The following KIF1C variants were observed in gnomAD, a reference collection of about 807,000 sequenced individuals.
KIF1C encodes the protein kinesin-like protein KIF1C.
KIF1C carries 61 observed loss-of-function variants against 126.5 expected under a neutral mutation model. The ratio of observed to expected loss-of-function variants is 0.48; its 90% confidence interval spans 0.39 to 0.60. The LOEUF (loss-of-function observed/expected upper bound fraction) is 0.60. KIF1C is among the 20% of genes least tolerant of loss of function. The probability of loss-of-function intolerance (pLI) is 0.00; values close to 1 mark genes in which losing one functional copy is unlikely to be tolerated. For missense variants in KIF1C, 1,315 were observed against 1,489.2 expected (o/e 0.88, Z 1.93); for synonymous variants, 640 against 580.6 (o/e 1.10, Z -1.47).
chr17:5,015,972 G>A (rs1479962969), intron 18 of KIF1C, among the ~76,000 whole-genome samples: 2 of 151,934 alleles, frequency 1.3e-5, no homozygotes, highest in Non-Finnish European at 2.9e-5. Context: ...GTTCACATAA[G>A]CTCAAGCAAA....
Position 5,022,638 on chromosome 17 carries a change from AG to A in KIF1C, c.2558del (p.Ser853ThrfsTer235). ...GCAGGAGGTGAAGCTGCAGAACAGC[AG>A]CAAGGACCGGGAGCTGCAGGCCCTG... ...ILQEVKLQNSSKDRELQALRD... is the reference protein window; with the variant it reads ...ILQEVKLQNSXKDRELQALRD... On this transcript the variant is annotated frameshift_variant, in exon 22 of 23. Coordinates refer to ENST00000320785, the MANE Select transcript of KIF1C (RefSeq NM_006612.6). LOFTEE classifies it high-confidence loss of function. The surrounding 1 kb of genome is among the most constrained non-coding windows in gnomAD (Gnocchi z 4.9). 1.2e-6 allele frequency: 2 copies of A among 1,605,078 alleles called. No homozygotes were observed. Among genetic ancestry groups the A allele is most frequent in the Non-Finnish European group, 1.7e-6 (2 of 1,175,062 alleles).
rs201491325 is a variant in KIF1C at position 5,003,578 on chromosome 17, C to T, written c.721-34C>T. 210 of 1,526,188 alleles carry T rather than the reference C, an allele frequency of 1.4e-4. No homozygotes were observed. In the East Asian group the frequency reaches 4.1e-3, roughly 30 times the overall value. The allele number at this position is 1,526,188 out of a possible 1,614,324, so 94.5% of individuals were successfully genotyped here. On this transcript the variant is annotated intron_variant, in intron 8 of 22. Coordinates refer to ENST00000320785, the MANE Select transcript of KIF1C (RefSeq NM_006612.6). ...ATTTCCCTGCCCCGTCCCCCACCCG[C>T]ACCTTATCTCCTGCCTGTTTCCTCT... is the stretch of plus-strand genomic sequence containing the variant.
At chr17:5,004,464 C>G (rs1219299375) in intron 11 of KIF1C, 103 bp from the exon 12 acceptor site, 1 of 1,043,998 alleles carries the variant, frequency 9.6e-7, no homozygotes, top group Non-Finnish European at 1.5e-6. Flanking sequence ...GACCATGACC[C>G]TGTAAGACCT....
Position 5,024,121 on chromosome 17 carries a change from T to C in KIF1C, c.3282T>C (p.Pro1094=). The change falls in exon 23 of 23, where the codon CCT becomes CCC. Residue 1094 remains proline, a synonymous_variant. Coordinates refer to ENST00000320785, the MANE Select transcript of KIF1C (RefSeq NM_006612.6). ...PPRMRRQRSA[P]DLKESGAAV ...GAATGAGACGGCAGCGTTCTGCCCC[T>C]GACCTCAAGGAGAGTGGGGCAGCTG... 2 of 1,609,980 alleles carry C rather than the reference T, an allele frequency of 1.2e-6. No homozygotes were observed. Among genetic ancestry groups the C allele is most frequent in the Non-Finnish European group, 1.7e-6 (2 of 1,178,314 alleles).
chr17:5,017,571 T>C (rs1975000891), intron 18 of KIF1C, among the ~76,000 whole-genome samples: 1 of 152,274 alleles, frequency 6.6e-6, no homozygotes, highest in South Asian at 2.1e-4. Context: ...CCCAAAGTGC[T>C]GGGATTATAG....
chr17:5,001,671 T>G (rs1207531442), intron 5 of KIF1C, among the ~76,000 whole-genome samples: 1 of 152,214 alleles, frequency 6.6e-6, no homozygotes, highest in Admixed American at 6.5e-5. Context: ...TTACTACTGT[T>G]TTACTTGGTT....
rs778176215 is a variant in KIF1C, at chr17:5,000,811, G to A, written c.146G>A (p.Ser49Asn). The A allele has an allele frequency of 1.1e-5, 18 of 1,614,084 alleles. No homozygotes were observed. The highest frequency in any genetic ancestry group is 1.5e-5 in the Non-Finnish European group (18 of 1,179,986). The change falls in exon 4 of 23, where the codon AGC (serine) becomes AAC (asparagine). Residue 49 changes from serine (S) to asparagine (N), a missense_variant. Physicochemically the swap from Ser to Asn is conservative, Grantham distance 46. Coordinates refer to ENST00000320785, the MANE Select transcript of KIF1C (RefSeq NM_006612.6). ...AAACAGAGCAAGGATGCCCCCAAAA[G>A]CTTCACCTTTGACTACTCCTACTGG... is the stretch of plus-strand genomic sequence containing the variant. ...NPKQSKDAPK[S>N]FTFDYSYWSH...
chr17:5,024,036 A>AACCCT lies in KIF1C; in HGVS notation c.3202_3206dup (p.Ala1070ThrfsTer20). On this transcript the variant is annotated frameshift_variant, in exon 23 of 23. Coordinates refer to ENST00000320785, the MANE Select transcript of KIF1C (RefSeq NM_006612.6). LOFTEE classifies it high-confidence loss of function. Reference sequence around the variant, plus strand: ...CACAACTCTTATCCCCAGCCACCCCAACCCTACCCAGCCCAGCGGCCCCCA... The same window carrying AACCCT: ...CACAACTCTTATCCCCAGCCACCCCAACCCTACCCTACCCAGCCCAGCGGCCCCCA... 2 of 1,587,334 alleles carry AACCCT rather than the reference A, an allele frequency of 1.3e-6. No individual in the cohort carries two copies. Among genetic ancestry groups the AACCCT allele is most frequent in the Non-Finnish European group, 1.7e-6 (2 of 1,166,426 alleles).
At position 5,023,463 on chromosome 17, in the gene KIF1C, C is replaced by T. The variant is rs1169194744; in HGVS notation, c.2629-5C>T. The T allele has an allele frequency of 6.2e-7, 1 of 1,613,092 alleles. No homozygotes were observed. Among genetic ancestry groups the T allele is most frequent in the Admixed American group, 1.7e-5 (1 of 59,972 alleles). ...CCTTCTCCTTTTCTCACTCCTCCCT[C>T]CCAGGATCATGAGGATGAGAATGAA... is the stretch of plus-strand genomic sequence containing the variant. On this transcript the variant is annotated splice_region_variant and splice_polypyrimidine_tract_variant and intron_variant, in intron 22 of 22. Coordinates refer to ENST00000320785, the MANE Select transcript of KIF1C (RefSeq NM_006612.6). The surrounding 1 kb of genome is among the most constrained non-coding windows in gnomAD (Gnocchi z 4.2).
chr17:5,019,016 C>T (rs995423206), intron 18 of KIF1C, among the ~76,000 whole-genome samples: 6 of 152,048 alleles, frequency 3.9e-5, no homozygotes, highest in Admixed American at 2.6e-4. Context: ...GCTGTTTCCC[C>T]GACCCACCGT....
At chr17:4,998,518 C>T (rs1176665605) in intron 1 of KIF1C, among the ~76,000 whole-genome samples, 5 of 152,328 alleles carry the variant, frequency 3.3e-5, no homozygotes, top group Admixed American at 2.0e-4. Context: ...CTGTCCCTAC[C>T]TCTATTCCCT....
chr17:5,002,852 C>A lies in KIF1C; in HGVS notation c.720+10C>A. Reference sequence around the variant, plus strand: ...GCTGGACTCGGAGAAGGTGGGATCGCCCCCCCCCCCACTCCCCCACCGGAT... The same window carrying A: ...GCTGGACTCGGAGAAGGTGGGATCGACCCCCCCCCCACTCCCCCACCGGAT... On this transcript the variant is annotated intron_variant, in intron 8 of 22. Transcript: ENST00000320785. 1 of 236,074 alleles carries A rather than the reference C, an allele frequency of 4.2e-6. No individual in the cohort carries two copies. The highest frequency in any genetic ancestry group is 5.5e-6 in the Non-Finnish European group (1 of 181,466). The allele number at this position is 236,074 out of a possible 1,614,324, so 14.6% of individuals were successfully genotyped here. A position where few individuals can be genotyped will look rare whatever the true frequency, so the allele number is the denominator to read the frequency against.
intron 13 of KIF1C, among the ~76,000 whole-genome samples, chr17:5,006,205 C>T (rs979812876): frequency 6.6e-6 from 1 of 151,280 alleles, no homozygotes; most frequent in African/African-American, 2.4e-5. Context: ...GACTCCGTCT[C>T]AGAAAAAAAA....
chr17:5,006,398 G>A (rs1016656743), intron 13 of KIF1C, among the ~76,000 whole-genome samples: 1 of 151,504 alleles, frequency 6.6e-6, no homozygotes, highest in Non-Finnish European at 1.5e-5. Flanking sequence ...GTGCAATGGC[G>A]TGGTCTCGGC....
intron 17 of KIF1C, 115 bp from the exon 18 acceptor site, chr17:5,014,628 C>A (rs1974933821): frequency 2.6e-6 from 2 of 764,902 alleles, no homozygotes; most frequent in Non-Finnish European, 4.5e-6. Flanking sequence ...TCTGCTTCCT[C>A]ATCTGTGAAA....
rs780729030 is a variant in KIF1C, at chr17:5,022,603, C to T, written c.2522C>T (p.Thr841Met). ...EDLRAHIDKL[T>M]GILQEVKLQN... is the part of the protein sequence containing the mutation. ...CTCCGGGCCCACATCGACAAGCTGACGGGGATTCTGCAGGAGGTGAAGCTG... is the reference window on the plus strand; with the variant it reads ...CTCCGGGCCCACATCGACAAGCTGATGGGGATTCTGCAGGAGGTGAAGCTG... The change falls in exon 22 of 23, where the codon ACG (threonine) becomes ATG (methionine). Residue 841 changes from threonine (T) to methionine (M), a missense_variant. Physicochemically the swap from Thr to Met is moderately conservative, Grantham distance 81. Around this residue, in one of 2 missense-constraint regions of KIF1C, gnomAD observed 441 missense variants for 436.1 expected, o/e 1.01. Transcript: ENST00000320785. The surrounding 1 kb of genome is among the most constrained non-coding windows in gnomAD (Gnocchi z 4.9). 76 of 1,605,754 alleles carry T rather than the reference C, an allele frequency of 4.7e-5. No individual in the cohort carries two copies. Among genetic ancestry groups the T allele is most frequent in the Admixed American group, 4.6e-4 (27 of 58,906 alleles).
intron 11 of KIF1C, among the ~76,000 whole-genome samples, 159 bp downstream of exon 11, chr17:5,004,232 T>G (rs1357426596): frequency 6.6e-6 from 1 of 152,134 alleles, no homozygotes; most frequent in Non-Finnish European, 1.5e-5. Flanking sequence ...GATTTCCTGA[T>G]GCTGAGAACA....
intron 13 of KIF1C, among the ~76,000 whole-genome samples, chr17:5,005,852 G>A (rs540669770): frequency 9.4e-5 from 14 of 149,440 alleles, no homozygotes; most frequent in African/African-American, 1.7e-4. Flanking sequence ...TCAGCCTCCC[G>A]AATAACTGGG....
chr17:5,022,062 C>T lies in KIF1C; in HGVS notation c.2011-30C>T. On this transcript the variant is annotated intron_variant, in intron 21 of 22. Coordinates refer to ENST00000320785, the MANE Select transcript of KIF1C (RefSeq NM_006612.6). The surrounding 1 kb of genome is among the most constrained non-coding windows in gnomAD (Gnocchi z 4.9). Reference sequence around the variant, plus strand: ...ACATGGGCTCTGGATGTCCTTAGCCCTCTCTTCCTCTTTCTTTCTCTGGCC... The same window carrying T: ...ACATGGGCTCTGGATGTCCTTAGCCTTCTCTTCCTCTTTCTTTCTCTGGCC... The T allele has an allele frequency of 6.4e-7, 1 of 1,569,520 alleles. No homozygotes were observed. The highest frequency in any genetic ancestry group is 8.7e-7 in the Non-Finnish European group (1 of 1,155,676).
Sources: gnomAD v4.1 joint callset for allele counts (sites outside exome capture counted in the v4.1 genomes callset) on GRCh38, gnomAD v4.1.1 for gene constraint, gnomAD v4.1.1 regional missense constraint, Gnocchi (gnomAD v3.1) non-coding constraint, MANE v1.5 for transcripts, NCBI Gene and HGNC (gene_info 2026-07-23, HGNC 2026-07-21) for gene names.